KLF12: variants seen among roughly 807,000 people sequenced by gnomAD.
The protein encoded by KLF12 is KLF transcription factor 12, also known as Krueppel-like factor 12.
KLF12 carries 9 observed loss-of-function variants against 37.8 expected under a neutral mutation model. The observed-to-expected ratio is 0.24, with a 90% CI of 0.14 to 0.42. The LOEUF is 0.42. Ranked by LOEUF, KLF12 falls within the 10% of genes least tolerant of loss-of-function variation. The pLI, the probability that KLF12 is intolerant of heterozygous loss-of-function variation, is 1.00. For missense variants in KLF12, 411 were observed against 516.0 expected (o/e 0.80, Z 1.97); for synonymous variants, 208 against 202.1 (o/e 1.03, Z -0.25).
At chr13:73,794,592 T>A (rs79389974) in intron 5 of KLF12, among the ~76,000 whole-genome samples, 1,933 of 152,354 alleles carry the variant, frequency 0.013, 43 homozygotes, top group African/African-American at 0.044. Flanking sequence ...GAAACACAGT[T>A]CAACCCTGCC....
chr13:74,052,542 A>G (rs1249190486), intron 1 of KLF12, among the ~76,000 whole-genome samples: 1 of 152,124 alleles, frequency 6.6e-6, no homozygotes, highest in Non-Finnish European at 1.5e-5. Context: ...AGGGAGGCAC[A>G]TTATTTACCC....
chr13:73,875,367 TTGAC>T (rs1886657591), intron 3 of KLF12, among the ~76,000 whole-genome samples: 1 of 152,168 alleles, frequency 6.6e-6, no homozygotes, highest in African/African-American at 2.4e-5. Flanking sequence ...CCATGATTTT[TTGAC>T]TGACTCATGG....
At chr13:74,125,164 TATACAC>T (rs1271539918) in intron 1 of KLF12, among the ~76,000 whole-genome samples, 1 of 135,198 alleles carries the variant, frequency 7.4e-6, no homozygotes, top group African/African-American at 2.7e-5. Flanking sequence ...AATATATATA[TATACAC>T]ACACACACAC....
the KLF12 span, among the ~76,000 whole-genome samples, chr13:74,172,604 A>T: frequency 6.6e-6 from 1 of 152,178 alleles, no homozygotes; most frequent in African/African-American, 2.4e-5. Context: ...ATCAAATGGA[A>T]AAAAGATCTC....
chr13:73,741,269 C>A (rs1252373714), intron 6 of KLF12, among the ~76,000 whole-genome samples: 2 of 152,136 alleles, frequency 1.3e-5, no homozygotes, highest in Non-Finnish European at 1.5e-5. Context: ...CTCACATAAG[C>A]TCTGCCGTGG....
intron 3 of KLF12, among the ~76,000 whole-genome samples, chr13:73,867,721 A>T (rs140632484): frequency 6.6e-6 from 1 of 152,158 alleles, no homozygotes; most frequent in Non-Finnish European, 1.5e-5. Flanking sequence ...GCGACCCCAC[A>T]GTGGGCTACA....
At chr13:74,144,800 A>G in the KLF12 span, among the ~76,000 whole-genome samples, 1 of 152,160 alleles carries the variant, frequency 6.6e-6, no homozygotes, top group African/African-American at 2.4e-5. Flanking sequence ...TACAATTTTC[A>G]ACTCAACAAA....
intron 5 of KLF12, among the ~76,000 whole-genome samples, chr13:73,783,311 C>T (rs1881091565): frequency 6.6e-6 from 1 of 151,942 alleles, no homozygotes; most frequent in African/African-American, 2.4e-5. Flanking sequence ...ATGATGGTTA[C>T]CAGAGGCTGG....
chr13:73,690,313 G>C lies in KLF12; in HGVS notation c.*5177C>G, dbSNP rs1449090833. 1 of 152,524 alleles carries C rather than the reference G, an allele frequency of 6.6e-6. No homozygotes were observed. The highest frequency in any genetic ancestry group is 1.5e-5 in the Non-Finnish European group (1 of 68,018). 9.4% of individuals were successfully genotyped at this position (152,524 alleles called of 1,614,324 possible). A position where few individuals can be genotyped will look rare whatever the true frequency, so the allele number is the denominator to read the frequency against. ...TTGCGAGTATAGATTCCTTTAACAC[G>C]TGGCCATATCCACAGCACTTAATCT... On this transcript the variant is annotated 3_prime_UTR_variant, in exon 8 of 8. Transcript: ENST00000377669.
rs1041644414 is a variant in KLF12, at chr13:73,768,911, T to C, written c.807-3911A>G. ...ATATAAGATTATCATCTGATACTTA[T>C]ATATATTCCCTCCACCCAGCCCAGA... On this transcript the variant is annotated intron_variant, in intron 5 of 7. Coordinates refer to ENST00000377669, the MANE Select transcript of KLF12 (RefSeq NM_007249.5). 4.4e-5 allele frequency among the ~76,000 whole-genome samples: 5 copies of C among 113,826 alleles called. No homozygotes were observed. The East Asian group carries it at 6.1e-4, about 14-fold the overall frequency. 74.7% of individuals were successfully genotyped at this position (113,826 alleles called of 152,430 possible). A position where few individuals can be genotyped will look rare whatever the true frequency, so the allele number is the denominator to read the frequency against.
intron 4 of KLF12, among the ~76,000 whole-genome samples, chr13:73,827,514 T>G (rs999315791): frequency 6.1e-4 from 93 of 152,294 alleles, no homozygotes; most frequent in African/African-American, 2.2e-3. Context: ...CAAAGAACAC[T>G]CCCACCTTCC....
Position 73,823,922 on chromosome 13 carries a change from C to T in KLF12, c.671-10635G>A, listed in dbSNP as rs536279770. Among the ~76,000 whole-genome samples the T allele has an allele frequency of 9.2e-5, 14 of 152,144 alleles. No homozygotes were observed. The South Asian group carries it at 2.7e-3, about 29-fold the overall frequency. On this transcript the variant is annotated intron_variant, in intron 4 of 7. Transcript: ENST00000377669. Reference sequence around the variant, plus strand: ...ACAGGGTTTCATCTTACTGGAAAGGCTGATCTCAAACTCCTGACCTCAGGT... The same window carrying T: ...ACAGGGTTTCATCTTACTGGAAAGGTTGATCTCAAACTCCTGACCTCAGGT...
At position 73,791,405 on chromosome 13, in the gene KLF12, C is replaced by T. The variant is rs577149822; in HGVS notation, c.806+21747G>A. Among the ~76,000 whole-genome samples the T allele has an allele frequency of 1.7e-3, 253 of 151,204 alleles. 3 individuals are homozygous for T. The highest frequency in any genetic ancestry group is 5.9e-3 in the African/African-American group (244 of 41,312). On this transcript the variant is annotated intron_variant, in intron 5 of 7. Transcript: ENST00000377669. ...CTTTAAACTGTCATTCTTTTTTTTTCCTGCCACATGAGCTGTTTGTCATTT... is the reference window on the plus strand; with the variant it reads ...CTTTAAACTGTCATTCTTTTTTTTTTCTGCCACATGAGCTGTTTGTCATTT...
At chr13:73,877,987 G>A (rs533521453) in intron 3 of KLF12, among the ~76,000 whole-genome samples, 15 of 151,792 alleles carry the variant, frequency 9.9e-5, no homozygotes, top group African/African-American at 3.1e-4. Context: ...CAGCCACCCC[G>A]TCACCAAACA....
intron 5 of KLF12, among the ~76,000 whole-genome samples, chr13:73,787,640 G>A (rs138931026): frequency 6.6e-6 from 1 of 152,122 alleles, no homozygotes; most frequent in East Asian, 1.9e-4. Flanking sequence ...TAACTTGAAA[G>A]ATCACAAAGC....
intron 1 of KLF12, among the ~76,000 whole-genome samples, chr13:74,101,841 T>C (rs941470348): frequency 7.2e-5 from 11 of 151,906 alleles, no homozygotes; most frequent in Non-Finnish European, 1.0e-4. Flanking sequence ...AGATTACCAG[T>C]AGAAAGAATA....
intron 1 of KLF12, among the ~76,000 whole-genome samples, chr13:74,078,189 CAGG>C (rs1184963066): frequency 6.6e-6 from 1 of 152,160 alleles, no homozygotes; most frequent in East Asian, 1.9e-4. Context: ...GGATCTTAAT[CAGG>C]AGGAGTGCGC....
intron 1 of KLF12, among the ~76,000 whole-genome samples, chr13:74,092,573 G>C (rs1263350383): frequency 1.3e-5 from 2 of 151,658 alleles, no homozygotes; most frequent in Non-Finnish European, 2.9e-5. Context: ...GCAGTGAGCT[G>C]AGATTGCGCC....
Position 73,846,034 on chromosome 13 carries a change from C to T in KLF12, c.463G>A (p.Val155Ile). 6.2e-7 allele frequency: 1 copy of T among 1,614,022 alleles called. No individual in the cohort carries two copies. The highest frequency in any genetic ancestry group is 8.5e-7 in the Non-Finnish European group (1 of 1,179,936). The change falls in exon 4 of 8, where the codon GTT (valine) becomes ATT (isoleucine). Residue 155 changes from valine to isoleucine, a missense_variant. By Grantham distance (29) the Val-to-Ile change is conservative. Coordinates refer to ENST00000377669, the MANE Select transcript of KLF12 (RefSeq NM_007249.5). ...ATGTGCAAAAACTGCTGGCCTCCAA[C>T]ACCAGATGCAGAGGCCACAAGGGGC...
Sources: allele counts gnomAD v4.1 joint callset (sites outside exome capture counted in the v4.1 genomes callset), GRCh38; gene constraint gnomAD v4.1.1; transcripts MANE v1.5; gene names NCBI Gene and HGNC (gene_info 2026-07-23, HGNC 2026-07-21).